Variants in PDE4B observed in about 807,000 individuals in gnomAD.
PDE4B encodes the protein phosphodiesterase 4B.
In PDE4B, 20 loss-of-function variants were observed where a neutral mutation model predicts 82.2. The observed-to-expected ratio is 0.24, with a 90% CI of 0.17 to 0.35. The LOEUF (loss-of-function observed/expected upper bound fraction) is 0.35, where lower values mean the gene tolerates loss of function less well. Among genes scored for constraint, PDE4B ranks in the 10% least tolerant of loss-of-function variants. The pLI, the probability that PDE4B is intolerant of heterozygous loss-of-function variation, is 1.00. For missense variants in PDE4B, 655 were observed against 907.2 expected, an observed-to-expected ratio of 0.72 and a Z score of 3.57; for synonymous variants, 320 against 318.9, an observed-to-expected ratio of 1.00 and a Z score of -0.04.
chr1:66,274,326 AAT>A (rs1491186078), intron 7 of PDE4B, among the ~76,000 whole-genome samples: 5 of 108,162 alleles, frequency 4.6e-5, no homozygotes, highest in Non-Finnish European at 2.2e-5. Context: ...ACACCCAGCT[AAT>A]TTTTTTTTTT....
rs752577808 is a variant in PDE4B at position 66,373,348 on chromosome 1, TTCTC to T, written c.*674_*677del. 6.6e-6 allele frequency: 1 copy of T among 152,518 alleles called. No homozygotes were observed. The highest frequency in any genetic ancestry group is 1.5e-5 in the Non-Finnish European group (1 of 68,096). 9.4% of individuals were successfully genotyped at this position (152,518 alleles called of 1,614,324 possible). Reference sequence around the variant, plus strand: ...CCAACTCCACAGTCACTCTTAAAACTTCTCTCTGTTTGCCTGCCTCCAACAGTAC... The same window carrying T: ...CCAACTCCACAGTCACTCTTAAAACTTCTGTTTGCCTGCCTCCAACAGTAC... On this transcript the variant is annotated 3_prime_UTR_variant, in exon 17 of 17. Transcript: ENST00000341517.
rs58193032 is a variant in PDE4B, at chr1:65,818,685, C to CATATATATATATAT, written c.-71+25443_-71+25456dup. ...ATACATATATATTCACACACACACA[C>CATATATATATATAT]ATATATATATATATATATAAAATAA... On this transcript the variant is annotated intron_variant, in intron 1 of 16. Transcript: ENST00000341517. 8.7e-3 allele frequency among the ~76,000 whole-genome samples: 1,246 copies of CATATATATATATAT among 143,692 alleles called. 5 individuals carry two copies. The highest frequency in any genetic ancestry group is 0.023 in the East Asian group (112 of 4,802). 94.3% of individuals were successfully genotyped at this position (143,692 alleles called of 152,430 possible).
At chr1:65,933,657 C>A (rs1279905495) in intron 3 of PDE4B, among the ~76,000 whole-genome samples, 1 of 150,694 alleles carries the variant, frequency 6.6e-6, no homozygotes, top group African/African-American at 2.4e-5. Flanking sequence ...GGCAACAGGG[C>A]GAGAATCCGT....
At chr1:65,884,348 C>G (rs529600564) in intron 1 of PDE4B, among the ~76,000 whole-genome samples, 60 of 152,034 alleles carry the variant, frequency 3.9e-4, no homozygotes, top group Non-Finnish European at 7.6e-4. Flanking sequence ...TGTTATTGGT[C>G]TATTCAGGGA....
rs71058429 is a variant in PDE4B at position 65,796,646 on chromosome 1, C to CTTT, written c.-71+3417_-71+3419dup. Among the ~76,000 whole-genome samples, 42 of 76,294 alleles carry CTTT rather than the reference C, an allele frequency of 5.5e-4. 1 individual carries two copies. The highest frequency in any genetic ancestry group is 1.4e-3 in the East Asian group (4 of 2,840). 50.1% of individuals were successfully genotyped at this position (76,294 alleles called of 152,430 possible). On this transcript the variant is annotated intron_variant, in intron 1 of 16. Transcript: ENST00000341517. ...GAGAATTTGTATTTGCTTGCTGAAACTTTTTTTTTTTTTTTTTTTTTGAGA... is the reference window on the plus strand; with the variant it reads ...GAGAATTTGTATTTGCTTGCTGAAACTTTTTTTTTTTTTTTTTTTTTTTTGAGA...
intron 1 of PDE4B, among the ~76,000 whole-genome samples, chr1:65,797,751 A>G (rs928367859): frequency 2.6e-5 from 4 of 152,168 alleles, no homozygotes; most frequent in Admixed American, 2.6e-4. Flanking sequence ...AGTATTGTCA[A>G]ATGGACCCCA....
In PDE4B at chr1:66,318,699, A is replaced by C. The variant is rs1027525959; in HGVS notation, c.635-13809A>C. ...TAAACACATAAAAAGAAACAGGTGTAATTAATTTTATTAACATATTTTACT... is the reference window on the plus strand; with the variant it reads ...TAAACACATAAAAAGAAACAGGTGTCATTAATTTTATTAACATATTTTACT... On this transcript the variant is annotated intron_variant, in intron 7 of 16. Coordinates refer to ENST00000341517, the MANE Select transcript of PDE4B (RefSeq NM_002600.4). Among the ~76,000 whole-genome samples, 6 of 152,348 alleles carry C rather than the reference A, an allele frequency of 3.9e-5. No homozygotes were observed. In the South Asian group the frequency reaches 1.2e-3, roughly 32 times the overall value.
intron 7 of PDE4B, among the ~76,000 whole-genome samples, chr1:66,283,700 C>T (rs1656456821): frequency 6.6e-6 from 1 of 152,070 alleles, no homozygotes; most frequent in African/African-American, 2.4e-5. Context: ...AGATATCTCA[C>T]ACATATGCTT....
chr1:66,308,652 T>C (rs1024680234), intron 7 of PDE4B, among the ~76,000 whole-genome samples: 2 of 152,212 alleles, frequency 1.3e-5, no homozygotes, highest in African/African-American at 2.4e-5. Context: ...TTTGTACTTA[T>C]GAGATTCATT....
chr1:66,207,688 C>T (rs1360572255), intron 3 of PDE4B, among the ~76,000 whole-genome samples: 2 of 152,232 alleles, frequency 1.3e-5, no homozygotes, highest in African/African-American at 2.4e-5. Flanking sequence ...TAGTCCCAGT[C>T]GTAATGGTGA....
chr1:65,830,698 A>G (rs1228795744), intron 1 of PDE4B, among the ~76,000 whole-genome samples: 1 of 152,140 alleles, frequency 6.6e-6, no homozygotes, highest in African/African-American at 2.4e-5. Context: ...TCTCCCAGAC[A>G]ACAGAAGAGC....
chr1:66,203,247 G>A (rs187742931), intron 3 of PDE4B, among the ~76,000 whole-genome samples: 2 of 152,196 alleles, frequency 1.3e-5, no homozygotes, highest in African/African-American at 4.8e-5. Flanking sequence ...CCCTTTGTGG[G>A]TAACCTGACC....
chr1:65,961,173 A>G (rs1039890422), intron 3 of PDE4B, among the ~76,000 whole-genome samples: 1 of 152,152 alleles, frequency 6.6e-6, no homozygotes, highest in African/African-American at 2.4e-5. Context: ...AAATGGCTAG[A>G]GAATGGTGGA....
At chr1:66,171,558 A>G (rs1646836829) in intron 3 of PDE4B, among the ~76,000 whole-genome samples, 1 of 152,202 alleles carries the variant, frequency 6.6e-6, no homozygotes, top group Admixed American at 6.5e-5. Flanking sequence ...TGAAGTGCCT[A>G]TTAATATCTC....
intron 7 of PDE4B, among the ~76,000 whole-genome samples, chr1:66,292,660 TG>T (rs1657170115): frequency 6.6e-6 from 1 of 152,206 alleles, no homozygotes; most frequent in Non-Finnish European, 1.5e-5. Context: ...TCCATGATTT[TG>T]ATCACTGTAA....
In PDE4B at chr1:66,272,143, G is replaced by T. The variant is rs561532571; in HGVS notation, c.634+6056G>T. ...AAACCCTAGCTGCTGCCTGCCTCGA[G>T]CCTGGTCATGCAGCTCCCAGGCATG... On this transcript the variant is annotated intron_variant, in intron 7 of 16. Transcript: ENST00000341517. Among the ~76,000 whole-genome samples, 49 of 152,320 alleles carry T rather than the reference G, an allele frequency of 3.2e-4. No homozygotes were observed. The South Asian group carries it at 9.7e-3, about 30-fold the overall frequency.
At chr1:66,324,540 A>G (rs1027663542) in intron 7 of PDE4B, among the ~76,000 whole-genome samples, 5 of 152,196 alleles carry the variant, frequency 3.3e-5, no homozygotes, top group African/African-American at 9.7e-5. Flanking sequence ...CAAGTTATAT[A>G]TATAAGAGCC....
chr1:66,318,903 T>C (rs748247892), intron 7 of PDE4B, among the ~76,000 whole-genome samples: 5 of 152,212 alleles, frequency 3.3e-5, no homozygotes, highest in Non-Finnish European at 5.9e-5. Context: ...AGCTACCATA[T>C]TGATAGCACA....
intron 3 of PDE4B, among the ~76,000 whole-genome samples, chr1:66,219,977 T>C (rs968067248): frequency 2.0e-5 from 3 of 152,178 alleles, no homozygotes; most frequent in East Asian, 1.9e-4. Flanking sequence ...AGTTTTTCTA[T>C]AGTGATTAGT....
Sources: allele counts gnomAD v4.1 joint callset (sites outside exome capture counted in the v4.1 genomes callset), GRCh38; gene constraint gnomAD v4.1.1; transcripts MANE v1.5; gene names NCBI Gene and HGNC (gene_info 2026-07-23, HGNC 2026-07-21).